Variants in MYH9 observed in about 807,000 individuals in gnomAD.
The protein encoded by MYH9 is myosin heavy chain 9.
A neutral mutation model predicts 241.9 loss-of-function variants in MYH9; 29 were observed. The observed-to-expected ratio is 0.12, with a 90% CI of 0.09 to 0.16. MYH9 has a LOEUF of 0.16. MYH9 is among the 10% of genes least tolerant of loss of function. MYH9 has a pLI of 1.00. For synonymous variants in MYH9, 1,047 were observed against 1,062.6 expected, an observed-to-expected ratio of 0.99 and a Z score of 0.29; for missense variants, 1,803 against 2,595.5, an observed-to-expected ratio of 0.69 and a Z score of 6.63.
rs372414950 is a variant in MYH9, at chr22:36,355,002, G to C, written c.-19-5747C>G. 1.4e-3 allele frequency among the ~76,000 whole-genome samples: 57 copies of C among 41,282 alleles called. 1 individual carries two copies. The highest frequency in any genetic ancestry group is 3.1e-3 in the Non-Finnish European group (46 of 14,626). 27.1% of individuals were successfully genotyped at this position (41,282 alleles called of 152,430 possible). A position where few individuals can be genotyped will look rare whatever the true frequency, so the allele number is the denominator to read the frequency against. ...ACACACACACACACACACACACACAGAGGAAAGATCTCCGTGGCTCAGAAA... is the reference window on the plus strand; with the variant it reads ...ACACACACACACACACACACACACACAGGAAAGATCTCCGTGGCTCAGAAA... On this transcript the variant is annotated intron_variant, in intron 1 of 40. Transcript: ENST00000216181.
rs143974891 is a variant in MYH9, at chr22:36,318,285, G to C, written c.1149C>G (p.Thr383=). 29 of 1,613,868 alleles carry C rather than the reference G, an allele frequency of 1.8e-5. No homozygotes were observed. The highest frequency in any genetic ancestry group is 2.3e-5 in the Non-Finnish European group (27 of 1,180,024). Residue 383 remains threonine (T), a synonymous_variant, in exon 11 of 41, where the codon ACC becomes ACG. Transcript: ENST00000216181. ...KVSHLLGINV[T]DFTRGILTPR... ...GGGTGAGGATTCCTCTGGTGAAATC[G>C]GTCACATTGATACCCAAGAGATGGG...
Position 36,329,249 on chromosome 22 carries a change from A to T in MYH9, c.491-1761T>A, listed in dbSNP as rs2017384242. The stretch of plus-strand genomic sequence containing the variant: ...CAGGAGGCAAGCTCTAGGGGAGGCA[A>T]GCCTTACTCCCCCTTGCCTTTCTCA... On this transcript the variant is annotated intron_variant, in intron 3 of 40. Transcript: ENST00000216181. This position sits in a 1 kb window ranked among gnomAD's most constrained non-coding sequence, Gnocchi z 4.1. Among the ~76,000 whole-genome samples the T allele has an allele frequency of 6.8e-6, 1 of 146,848 alleles. No individual in the cohort carries two copies. The highest frequency in any genetic ancestry group is 2.2e-4 in the South Asian group (1 of 4,624).
rs760986092 is a variant in MYH9 at position 36,341,361 on chromosome 22, G to T, written c.490+9C>A. ...TCAGCCCCAGGTGGGCACACACTAC[G>T]TCACCCACCTTGCATCATACTCCTG... On this transcript the variant is annotated intron_variant, in intron 3 of 40. Coordinates refer to ENST00000216181, the MANE Select transcript of MYH9 (RefSeq NM_002473.6). 6.2e-7 allele frequency: 1 copy of T among 1,613,216 alleles called. No individual in the cohort carries two copies. Among genetic ancestry groups the T allele is most frequent in the East Asian group, 2.2e-5 (1 of 44,886 alleles).
In MYH9 at chr22:36,305,782, G is replaced by T; in HGVS notation, c.2159+148C>A. The T allele has an allele frequency of 8.9e-7, 1 of 1,124,220 alleles. No individual in the cohort carries two copies. Among genetic ancestry groups the T allele is most frequent in the East Asian group, 2.4e-5 (1 of 41,600 alleles). 69.6% of individuals were successfully genotyped at this position (1,124,220 alleles called of 1,614,324 possible). A position where few individuals can be genotyped will look rare whatever the true frequency, so the allele number is the denominator to read the frequency against. On this transcript the variant is annotated intron_variant, in intron 17 of 40. Transcript: ENST00000216181. This position sits in a 1 kb window ranked among gnomAD's most constrained non-coding sequence, Gnocchi z 4.7. ...CAAAGGGTGGAAAAGAGAAGGAGGT[G>T]GGGAAGAGCTGGCCAGACTCAGTTC...
Position 36,286,100 on chromosome 22 carries a change from G to A in MYH9, c.5062-147C>T, listed in dbSNP as rs1185293375. 9.0e-6 allele frequency: 7 copies of A among 780,926 alleles called. No homozygotes were observed. In the Admixed American group the frequency reaches 1.4e-4, roughly 16 times the overall value. The allele number at this position is 780,926 out of a possible 1,614,324, so 48.4% of individuals were successfully genotyped here. ...CTCCAGAAACCCTCTAGCTCACAGG[G>A]CTGGTGCCCCCCTGAAGATATAGCT... On this transcript the variant is annotated intron_variant, in intron 35 of 40. Coordinates refer to ENST00000216181, the MANE Select transcript of MYH9 (RefSeq NM_002473.6).
Position 36,321,761 on chromosome 22 carries a change from T to C in MYH9, c.766A>G (p.Thr256Ala), listed in dbSNP as rs775785923. The change falls in exon 7 of 41, where the codon ACT (threonine) becomes GCT (alanine). Residue 256 changes from threonine to alanine, a missense_variant. Transcript: ENST00000216181. ...TCCCAACGAACCACAAGGATACAAG[T>C]CTCAATGTTGGCTCCAACAATGTAG... is the stretch of plus-strand genomic sequence containing the variant. ...NGYIVGANIE[T>A]YLLEKSRAIR... is the part of the protein sequence containing the mutation. 1.2e-6 allele frequency: 2 copies of C among 1,613,954 alleles called. No homozygotes were observed. The highest frequency in any genetic ancestry group is 2.2e-5 in the South Asian group (2 of 91,084).
intron 1 of MYH9, among the ~76,000 whole-genome samples, chr22:36,353,435 G>A (rs980692851): frequency 1.3e-5 from 2 of 151,614 alleles, no homozygotes; most frequent in African/African-American, 4.9e-5. Context: ...ATCTCAGCTC[G>A]CTGCAACCTC....
At chr22:36,319,285 TG>T (rs983845307) in intron 10 of MYH9, among the ~76,000 whole-genome samples, 1 of 152,286 alleles carries the variant, frequency 6.6e-6, no homozygotes, top group African/African-American at 2.4e-5. Context: ...TCCTGACGAA[TG>T]GTTTGGTCTC....
In MYH9 at chr22:36,322,418, G is replaced by A. The variant is rs201738304; in HGVS notation, c.705+11C>T. On this transcript the variant is annotated intron_variant, in intron 6 of 40. Coordinates refer to ENST00000216181, the MANE Select transcript of MYH9 (RefSeq NM_002473.6). ...CTGTCCCCAGAGCCGGGGCGCCGCCGCGCTACTCACGAAGCGGGAGGAGTT... is the reference window on the plus strand; with the variant it reads ...CTGTCCCCAGAGCCGGGGCGCCGCCACGCTACTCACGAAGCGGGAGGAGTT... 2,473 of 1,613,476 alleles carry A rather than the reference G, an allele frequency of 1.5e-3. 7 individuals carry two copies. The highest frequency in any genetic ancestry group is 2.0e-3 in the Non-Finnish European group (2,323 of 1,179,600).
rs764747142 is a variant in MYH9 at position 36,289,349 on chromosome 22, C to T, written c.4345-52G>A. On this transcript the variant is annotated intron_variant, in intron 31 of 40. Transcript: ENST00000216181. ...CTCAGAGCTACGGCCCCCAGCAGGG[C>T]AGGGCAGCTGGGCCTAAGCTCCCTG... 4 of 1,541,712 alleles carry T rather than the reference C, an allele frequency of 2.6e-6. No individual in the cohort carries two copies. In the African/African-American group the frequency reaches 5.5e-5, roughly 21 times the overall value.
At chr22:36,382,710 G>A (rs925866810) in intron 1 of MYH9, among the ~76,000 whole-genome samples, 3 of 151,332 alleles carry the variant, frequency 2.0e-5, no homozygotes, top group African/African-American at 7.3e-5. Context: ...GGCTGAGGTA[G>A]GAATATTGCT....
chr22:36,324,863 C>G lies in MYH9; in HGVS notation c.612+1705G>C, dbSNP rs1308049937. On this transcript the variant is annotated intron_variant, in intron 5 of 40. Transcript: ENST00000216181. ...GTGGCTCCCACTGTCACCCCCAACC[C>G]CAGCATGCTGTCTTTGCTGAGTGCT... Among the ~76,000 whole-genome samples, 3 of 152,218 alleles carry G rather than the reference C, an allele frequency of 2.0e-5. No individual in the cohort carries two copies. The East Asian group carries it at 5.8e-4, about 29-fold the overall frequency.
chr22:36,324,520 C>G (rs1252148899), intron 5 of MYH9, among the ~76,000 whole-genome samples: 4 of 152,274 alleles, frequency 2.6e-5, no homozygotes, highest in Non-Finnish European at 5.9e-5. Context: ...GCTTTGCCAA[C>G]CTGCGGCCCA....
intron 4 of MYH9, 22 bp from the exon 5 acceptor site, chr22:36,326,683 T>A (rs1569536145): frequency 6.2e-7 from 1 of 1,607,588 alleles, no homozygotes; most frequent in Non-Finnish European, 8.5e-7. Flanking sequence ...GGCAAGGAAG[T>A]CCCGGGCTTA....
At chr22:36,375,024 G>A (rs2018144909) in intron 1 of MYH9, among the ~76,000 whole-genome samples, 1 of 152,140 alleles carries the variant, frequency 6.6e-6, no homozygotes, top group South Asian at 2.1e-4. Context: ...TATCTGGTGG[G>A]AGACCATCAG....
chr22:36,371,580 G>C (rs2018090724), intron 1 of MYH9, among the ~76,000 whole-genome samples: 1 of 152,094 alleles, frequency 6.6e-6, no homozygotes, highest in African/African-American at 2.4e-5. Flanking sequence ...TTGTTGCCCA[G>C]GCTGGAGTGC....
intron 30 of MYH9, among the ~76,000 whole-genome samples, chr22:36,292,483 G>A (rs2016722217): frequency 6.6e-6 from 1 of 152,232 alleles, no homozygotes; most frequent in Non-Finnish European, 1.5e-5. Context: ...CGCTGTGGGG[G>A]CTCCCAGCCC....
chr22:36,306,652 C>T lies in MYH9; in HGVS notation c.1844-45G>A, dbSNP rs756817052. 1 of 1,585,980 alleles carries T rather than the reference C, an allele frequency of 6.3e-7. No individual in the cohort carries two copies. The highest frequency in any genetic ancestry group is 8.6e-7 in the Non-Finnish European group (1 of 1,165,608). ...CACGTGAGTGCCCACACAGTTGCAG[C>T]TGGGTGGTGGGGGAGCACGTAGGAG... On this transcript the variant is annotated intron_variant, in intron 15 of 40. Coordinates refer to ENST00000216181, the MANE Select transcript of MYH9 (RefSeq NM_002473.6). This position sits in a 1 kb window ranked among gnomAD's most constrained non-coding sequence, Gnocchi z 4.1.
At chr22:36,318,113 G>A (rs1338297659) in intron 11 of MYH9, 94 bp downstream of exon 11, 1 of 1,083,842 alleles carries the variant, frequency 9.2e-7, no homozygotes, top group African/African-American at 1.6e-5. Flanking sequence ...GCCTGACACG[G>A]ACACCCCAGG....
Sources: allele counts gnomAD v4.1 joint callset (sites outside exome capture counted in the v4.1 genomes callset), GRCh38; gene constraint gnomAD v4.1.1; non-coding constraint Gnocchi (gnomAD v3.1); transcripts MANE v1.5; gene names NCBI Gene and HGNC (gene_info 2026-07-23, HGNC 2026-07-21).